PDE3B: variants seen among roughly 807,000 people sequenced by gnomAD.
The protein encoded by PDE3B is phosphodiesterase 3B, also known as cGMP-inhibited 3',5'-cyclic phosphodiesterase 3B.
A neutral mutation model predicts 116.8 loss-of-function variants in PDE3B; 66 were observed. The observed-to-expected ratio is 0.56, with a 90% CI of 0.46 to 0.69. The LOEUF (loss-of-function observed/expected upper bound fraction) is 0.69. PDE3B is among the 30% of genes least tolerant of loss of function. PDE3B has a pLI of 0.00. For synonymous variants in PDE3B, 595 were observed against 533.6 expected (o/e 1.12, Z -1.59); for missense variants, 1,384 against 1,368.1 (o/e 1.01, Z -0.18).
chr11:14,717,246 G>T (rs1219624183), intron 1 of PDE3B, among the ~76,000 whole-genome samples: 1 of 78,124 alleles, frequency 1.3e-5, no homozygotes, highest in African/African-American at 5.4e-5. Flanking sequence ...AATGAGCAAA[G>T]CCTCCAAGAA....
At chr11:14,667,490 A>G (rs1217350159) in intron 1 of PDE3B, among the ~76,000 whole-genome samples, 2 of 151,678 alleles carry the variant, frequency 1.3e-5, no homozygotes, top group African/African-American at 2.4e-5. Context: ...CACATACACC[A>G]TGGAATACTA....
rs531414044 is a variant in PDE3B, at chr11:14,745,477, C to A, written c.979-26460C>A. 9.1e-4 allele frequency among the ~76,000 whole-genome samples: 138 copies of A among 151,578 alleles called. 1 individual carries two copies. Among genetic ancestry groups the A allele is most frequent in the African/African-American group, 3.2e-3 (132 of 41,318 alleles). On this transcript the variant is annotated intron_variant, in intron 1 of 15. Coordinates refer to ENST00000282096, the MANE Select transcript of PDE3B (RefSeq NM_000922.4). ...TTTCTTGTTCCTGTTGTGGATCAAC[C>A]ATTATTTCTTTGTATTTAGCTACAT... is the stretch of plus-strand genomic sequence containing the variant.
intron 1 of PDE3B, among the ~76,000 whole-genome samples, chr11:14,736,317 G>A (rs915494707): frequency 6.6e-6 from 1 of 152,190 alleles, no homozygotes; most frequent in Non-Finnish European, 1.5e-5. Flanking sequence ...TTAAAAGCTG[G>A]TTGAAGTGAG....
chr11:14,701,895 T>C (rs986640657), intron 1 of PDE3B, among the ~76,000 whole-genome samples: 1 of 151,604 alleles, frequency 6.6e-6, no homozygotes, highest in Non-Finnish European at 1.5e-5. Flanking sequence ...TGCTCACAAG[T>C]TTTGTGATGC....
chr11:14,824,508 A>G (rs1192181713), intron 7 of PDE3B, among the ~76,000 whole-genome samples: 1 of 152,232 alleles, frequency 6.6e-6, no homozygotes, highest in Non-Finnish European at 1.5e-5. Flanking sequence ...TTCCAAGTAC[A>G]GCAAAAGAGA....
At chr11:14,890,787 A>T in the PDE3B span, 1 of 810,590 alleles carries the variant, frequency 1.2e-6, no homozygotes, top group Admixed American at 6.2e-5. Context: ...TGATTTCGTG[A>T]TCCGCCCGCC....
Position 14,846,990 on chromosome 11 carries a change from C to G in PDE3B, c.2520+2964C>G, listed in dbSNP as rs1403790274. On this transcript the variant is annotated intron_variant, in intron 12 of 15. Transcript: ENST00000282096. Reference sequence around the variant, plus strand: ...GAACTCAGCTCTGCACCAAGCGGACCTAATAGACATCTACAGAACTCTCCA... The same window carrying G: ...GAACTCAGCTCTGCACCAAGCGGACGTAATAGACATCTACAGAACTCTCCA... 2.0e-5 allele frequency among the ~76,000 whole-genome samples: 3 copies of G among 152,134 alleles called. 1 individual carries two copies. In the East Asian group the frequency reaches 5.8e-4, roughly 29 times the overall value.
At chr11:14,764,869 C>G (rs896198743) in intron 1 of PDE3B, among the ~76,000 whole-genome samples, 10 of 151,800 alleles carry the variant, frequency 6.6e-5, no homozygotes, top group Middle Eastern at 3.4e-3. Flanking sequence ...CCTCCCCCTC[C>G]CCCCACACTT....
intron 11 of PDE3B, among the ~76,000 whole-genome samples, chr11:14,835,853 A>G (rs112610154): frequency 2.6e-5 from 4 of 152,158 alleles, no homozygotes; most frequent in African/African-American, 9.7e-5. Flanking sequence ...CTAGCTACTC[A>G]GAAGGCTGAG....
chr11:14,780,078 A>G (rs1405334069), intron 2 of PDE3B, among the ~76,000 whole-genome samples: 2 of 152,210 alleles, frequency 1.3e-5, no homozygotes, highest in Non-Finnish European at 2.9e-5. Context: ...AGGCCATTAT[A>G]TAATGGTAAA....
chr11:14,815,437 C>A (rs1030788543), intron 5 of PDE3B, among the ~76,000 whole-genome samples: 2 of 152,074 alleles, frequency 1.3e-5, no homozygotes, highest in Non-Finnish European at 2.9e-5. Context: ...TCAGGTTGTT[C>A]TTCATTTCCG....
chr11:14,726,987 C>T (rs997952258), intron 1 of PDE3B, among the ~76,000 whole-genome samples: 1 of 152,148 alleles, frequency 6.6e-6, no homozygotes, highest in Non-Finnish European at 1.5e-5. Context: ...TTGATTATCT[C>T]CCCTTGAGGT....
chr11:14,763,391 G>T (rs868780984), intron 1 of PDE3B, among the ~76,000 whole-genome samples: 1 of 152,024 alleles, frequency 6.6e-6, no homozygotes, highest in Admixed American at 6.6e-5. Flanking sequence ...ACTTACCAGA[G>T]AATGAAAGGA....
At chr11:14,695,008 C>T (rs897465448) in intron 1 of PDE3B, among the ~76,000 whole-genome samples, 3 of 152,020 alleles carry the variant, frequency 2.0e-5, no homozygotes, top group Admixed American at 6.6e-5. Flanking sequence ...CCAAGTATGC[C>T]GTATTCCCAG....
intron 1 of PDE3B, among the ~76,000 whole-genome samples, chr11:14,680,295 G>A (rs1389056766): frequency 6.6e-6 from 1 of 152,164 alleles, no homozygotes; most frequent in Non-Finnish European, 1.5e-5. Context: ...GAATGGGAAA[G>A]TGAGATGGAG....
chr11:14,817,394 C>T (rs1010741701), intron 5 of PDE3B, among the ~76,000 whole-genome samples: 1 of 152,130 alleles, frequency 6.6e-6, no homozygotes, highest in African/African-American at 2.4e-5. Flanking sequence ...ATGTAACAAA[C>T]CTGCACATTG....
At position 14,687,736 on chromosome 11, in the gene PDE3B, A is replaced by G. The variant is rs1854917494; in HGVS notation, c.978+42683A>G. 2.6e-5 allele frequency among the ~76,000 whole-genome samples: 4 copies of G among 152,236 alleles called. No individual in the cohort carries two copies. The South Asian group carries it at 8.4e-4, about 32-fold the overall frequency. ...ACTGTTTTTGTTTTAGTTGCCTATCAGATCTTTTGTCACCTTTTCTCTCAC... is the reference window on the plus strand; with the variant it reads ...ACTGTTTTTGTTTTAGTTGCCTATCGGATCTTTTGTCACCTTTTCTCTCAC... On this transcript the variant is annotated intron_variant, in intron 1 of 15. Coordinates refer to ENST00000282096, the MANE Select transcript of PDE3B (RefSeq NM_000922.4).
chr11:14,781,271 C>G (rs942482458), intron 2 of PDE3B, among the ~76,000 whole-genome samples: 2 of 152,102 alleles, frequency 1.3e-5, no homozygotes, highest in African/African-American at 4.8e-5. Flanking sequence ...TGAAACTATT[C>G]CAATCAATAG....
At chr11:14,880,901 G>A in the PDE3B span, 3 of 818,408 alleles carry the variant, frequency 3.7e-6, no homozygotes, top group Admixed American at 5.9e-5. Flanking sequence ...ACATGGTTGG[G>A]TCCTGTTCTC....
Sources: allele counts gnomAD v4.1 joint callset (sites outside exome capture counted in the v4.1 genomes callset), GRCh38; gene constraint gnomAD v4.1.1; transcripts MANE v1.5; gene names NCBI Gene and HGNC (gene_info 2026-07-23, HGNC 2026-07-21).